The following EPHA3 variants were observed in gnomAD, a reference collection of about 807,000 sequenced individuals.
EPHA3 encodes the protein EPH receptor A3, also known as ephrin type-A receptor 3.
A neutral mutation model predicts 107.1 loss-of-function variants in EPHA3; 42 were observed. The observed-to-expected ratio is 0.39, with a 90% CI of 0.31 to 0.51. The LOEUF is 0.51. Ranked by LOEUF, EPHA3 falls within the 20% of genes least tolerant of loss-of-function variation. The pLI, the probability that EPHA3 is intolerant of heterozygous loss-of-function variation, is 0.78. For missense variants in EPHA3, 1,183 were observed against 1,211.2 expected, an observed-to-expected ratio of 0.98 and a Z score of 0.35; for synonymous variants, 461 against 424.8, an observed-to-expected ratio of 1.09 and a Z score of -1.05.
In EPHA3 at chr3:89,440,882, A is replaced by G. The variant is rs572175527; in HGVS notation, c.2347-8343A>G. Among the ~76,000 whole-genome samples the G allele has an allele frequency of 4.6e-5, 7 of 152,364 alleles. No individual in the cohort carries two copies. The East Asian group carries it at 1.2e-3, about 25-fold the overall frequency. On this transcript the variant is annotated intron_variant, in intron 13 of 16. Transcript: ENST00000336596. ...CCCATGTGGATATGCAATTTATTCC[A>G]AAGTTAGTCTTTCTTTAAGAGTCCA...
At chr3:89,302,728 C>G (rs756789740) in intron 3 of EPHA3, among the ~76,000 whole-genome samples, 1 of 152,140 alleles carries the variant, frequency 6.6e-6, no homozygotes, top group East Asian at 1.9e-4. Context: ...CTTGCTAATA[C>G]TCTTCTAAAG....
At chr3:89,369,582 G>A (rs2107468948) in intron 5 of EPHA3, among the ~76,000 whole-genome samples, 1 of 149,872 alleles carries the variant, frequency 6.7e-6, no homozygotes, top group East Asian at 1.9e-4. Context: ...TTACCATTCA[G>A]GACATAGGCA....
rs533580539 is a variant in EPHA3, at chr3:89,170,183, G to C, written c.154-39677G>C. On this transcript the variant is annotated intron_variant, in intron 2 of 16. Coordinates refer to ENST00000336596, the MANE Select transcript of EPHA3 (RefSeq NM_005233.6). ...AGGCAGGAGAATGGCGAGAGCCCGG[G>C]AGGTGCAGTTTACAGTGAGCAGAGA... is the stretch of plus-strand genomic sequence containing the variant. 2.4e-3 allele frequency among the ~76,000 whole-genome samples: 361 copies of C among 151,780 alleles called. 1 individual carries two copies. The highest frequency in any genetic ancestry group is 7.9e-3 in the African/African-American group (326 of 41,352).
intron 3 of EPHA3, among the ~76,000 whole-genome samples, chr3:89,317,117 A>T (rs1706927420): frequency 6.6e-6 from 1 of 151,796 alleles, no homozygotes; most frequent in African/African-American, 2.4e-5. Context: ...ACAAATAGAA[A>T]TTTTTGGCCA....
intron 15 of EPHA3, among the ~76,000 whole-genome samples, chr3:89,470,664 T>C (rs911606010): frequency 1.2e-4 from 19 of 152,154 alleles, no homozygotes; most frequent in African/African-American, 4.6e-4. Context: ...ATATGCCACA[T>C]GATGGAATCA....
At chr3:89,386,011 C>T (rs1024471328) in intron 5 of EPHA3, among the ~76,000 whole-genome samples, 3 of 152,110 alleles carry the variant, frequency 2.0e-5, no homozygotes, top group East Asian at 1.9e-4. Context: ...CCCCTGCCCT[C>T]GAGATCAGCA....
At chr3:89,427,316 T>G (rs1354802546) in intron 11 of EPHA3, among the ~76,000 whole-genome samples, 6 of 151,912 alleles carry the variant, frequency 3.9e-5, no homozygotes, top group Non-Finnish European at 8.8e-5. Flanking sequence ...AACTCATAAT[T>G]TACATTTTGT....
At chr3:89,381,032 G>A (rs1708493877) in intron 5 of EPHA3, among the ~76,000 whole-genome samples, 1 of 151,902 alleles carries the variant, frequency 6.6e-6, no homozygotes, top group Non-Finnish European at 1.5e-5. Context: ...GAGTGCAATG[G>A]CGCCATCTCG....
chr3:89,107,973 T>A, intron 1 of EPHA3, 137 bp downstream of exon 1: 1 of 709,328 alleles, frequency 1.4e-6, no homozygotes, highest in Non-Finnish European at 2.3e-6. Flanking sequence ...AGGAAAGATG[T>A]GCCTTTTTTT....
intron 3 of EPHA3, among the ~76,000 whole-genome samples, chr3:89,307,779 C>G (rs150049738): frequency 4.1e-4 from 62 of 152,226 alleles, no homozygotes; most frequent in African/African-American, 1.4e-3. Flanking sequence ...TCTTGAACTC[C>G]TGGGCTCGAA....
chr3:89,266,589 C>A (rs1027875252), intron 3 of EPHA3, among the ~76,000 whole-genome samples: 26 of 152,012 alleles, frequency 1.7e-4, no homozygotes, highest in African/African-American at 5.6e-4. Context: ...CAATTTTTCT[C>A]CAACCCTAAG....
chr3:89,396,266 A>G (rs919771074), intron 6 of EPHA3, among the ~76,000 whole-genome samples: 2 of 152,114 alleles, frequency 1.3e-5, no homozygotes, highest in Non-Finnish European at 2.9e-5. Context: ...CAACTATTTT[A>G]TTGTGGTTTC....
chr3:89,315,260 T>C, intron 3 of EPHA3, among the ~76,000 whole-genome samples: 1 of 151,946 alleles, frequency 6.6e-6, no homozygotes, highest in South Asian at 2.1e-4. Context: ...TTATTCCATT[T>C]GTTAAAATAT....
At chr3:89,283,513 A>G (rs1262429353) in intron 3 of EPHA3, among the ~76,000 whole-genome samples, 1 of 152,092 alleles carries the variant, frequency 6.6e-6, no homozygotes, top group Non-Finnish European at 1.5e-5. Flanking sequence ...TAAACAACCA[A>G]TTCTAAAATG....
intron 3 of EPHA3, among the ~76,000 whole-genome samples, chr3:89,218,195 T>C (rs1704264825): frequency 6.6e-6 from 1 of 151,898 alleles, no homozygotes; most frequent in Admixed American, 6.6e-5. Flanking sequence ...AACGTGCAGG[T>C]TTGTTACATA....
chr3:89,198,171 A>C (rs1458533110), intron 2 of EPHA3, among the ~76,000 whole-genome samples: 2 of 152,132 alleles, frequency 1.3e-5, no homozygotes, highest in Non-Finnish European at 2.9e-5. Context: ...AATTTAAAAT[A>C]CATTTATATT....
At chr3:89,217,106 T>C (rs1334913216) in intron 3 of EPHA3, among the ~76,000 whole-genome samples, 3 of 152,150 alleles carry the variant, frequency 2.0e-5, no homozygotes, top group African/African-American at 7.2e-5. Flanking sequence ...CAATCCCTTA[T>C]TAGTTCCAGA....
At chr3:89,370,408 C>CA (rs1332216281) in intron 5 of EPHA3, among the ~76,000 whole-genome samples, 1 of 148,334 alleles carries the variant, frequency 6.7e-6, no homozygotes, top group Admixed American at 6.9e-5. Flanking sequence ...ATCGCAAGGA[C>CA]AAAAAACCAA....
intron 15 of EPHA3, among the ~76,000 whole-genome samples, chr3:89,455,410 AAT>A (rs1445459373): frequency 6.6e-6 from 1 of 152,238 alleles, no homozygotes; most frequent in African/African-American, 2.4e-5. Context: ...GGCAGAGAAT[AAT>A]ATGACTGAAG....
Sources: gnomAD v4.1 joint callset for allele counts (sites outside exome capture counted in the v4.1 genomes callset) on GRCh38, gnomAD v4.1.1 for gene constraint, MANE v1.5 for transcripts, NCBI Gene and HGNC (gene_info 2026-07-23, HGNC 2026-07-21) for gene names.